SUSD1: variants seen among roughly 807,000 people sequenced by gnomAD.
SUSD1 encodes sushi domain-containing protein 1.
In SUSD1, 65 loss-of-function variants were observed where a neutral mutation model predicts 86.9. That is an observed-to-expected ratio of 0.75 (90% confidence interval 0.61 to 0.92). SUSD1 has a LOEUF of 0.92. Among genes scored for constraint, SUSD1 ranks in the 40% least tolerant of loss-of-function variants. The pLI is 0.00. For synonymous variants in SUSD1, 346 were observed against 350.0 expected (o/e 0.99, Z 0.13); for missense variants, 850 against 929.7 (o/e 0.91, Z 1.11).
intron 5 of SUSD1, 56 bp downstream of exon 5, chr9:112,142,264 A>G: frequency 7.2e-7 from 1 of 1,383,054 alleles, no homozygotes; most frequent in Non-Finnish European, 9.6e-7. Flanking sequence ...AGAGAAAAAT[A>G]TGAAAACAGT....
At position 112,170,542 on chromosome 9, in the gene SUSD1, C is replaced by T. The variant is rs751211579; in HGVS notation, c.103+4591G>A. Among the ~76,000 whole-genome samples, 21 of 152,048 alleles carry T rather than the reference C, an allele frequency of 1.4e-4. 1 individual carries two copies. The highest frequency in any genetic ancestry group is 7.3e-5 in the African/African-American group (3 of 41,372). ...CAACACCCTCCTGCCATATCAATTA[C>T]GCGAAACACACTTTCCTTACACTCA... On this transcript the variant is annotated intron_variant, in intron 1 of 16. Transcript: ENST00000374270.
chr9:112,138,108 C>T (rs1261925498), intron 5 of SUSD1, among the ~76,000 whole-genome samples: 4 of 148,622 alleles, frequency 2.7e-5, no homozygotes. Flanking sequence ...CCTGTAATCC[C>T]AGCTACGTGG....
chr9:112,112,985 G>A, intron 6 of SUSD1, 117 bp from the exon 7 acceptor site: 1 of 663,074 alleles, frequency 1.5e-6, no homozygotes, highest in Non-Finnish European at 2.7e-6. Flanking sequence ...TTCATCCTCA[G>A]AGGCAGACAC....
At chr9:112,128,334 T>A (rs1831868046) in intron 5 of SUSD1, among the ~76,000 whole-genome samples, 1 of 152,146 alleles carries the variant, frequency 6.6e-6, no homozygotes, top group Admixed American at 6.5e-5. Context: ...GCTCAAATGA[T>A]CTGCCTGTCT....
chr9:112,126,807 A>C (rs1420134546), intron 5 of SUSD1, among the ~76,000 whole-genome samples: 2 of 152,088 alleles, frequency 1.3e-5, no homozygotes, highest in Non-Finnish European at 2.9e-5. Flanking sequence ...CAAAGCTCCA[A>C]ATTTCATTTT....
intron 10 of SUSD1, among the ~76,000 whole-genome samples, chr9:112,083,666 T>G (rs1829860451): frequency 6.6e-6 from 1 of 152,234 alleles, no homozygotes; most frequent in African/African-American, 2.4e-5. Context: ...TTCCTAAAAT[T>G]TCTTCACGGT....
intron 15 of SUSD1, chr9:112,042,280 A>G (rs968386446): frequency 3.7e-5 from 31 of 834,274 alleles, no homozygotes; most frequent in Non-Finnish European, 3.9e-5. Context: ...GTCCTCTCAC[A>G]ATCAATTACA....
At chr9:112,170,879 T>A (rs1447705798) in intron 1 of SUSD1, among the ~76,000 whole-genome samples, 1 of 151,858 alleles carries the variant, frequency 6.6e-6, no homozygotes, top group Non-Finnish European at 1.5e-5. Flanking sequence ...CCGGCCAATT[T>A]TTTTTGTATT....
intron 8 of SUSD1, among the ~76,000 whole-genome samples, chr9:112,108,774 C>CAAAAAAAAAAAAAAAAAAAAAA: frequency 1.5e-5 from 1 of 68,608 alleles, no homozygotes; most frequent in East Asian, 3.4e-4. Context: ...CTGGGTGTCT[C>CAAAAAAAAAAAAAAAAAAAAAA]AAAAAAAAAA....
intron 10 of SUSD1, 79 bp downstream of exon 10, chr9:112,098,391 C>G: frequency 6.9e-7 from 1 of 1,453,200 alleles, no homozygotes; most frequent in Non-Finnish European, 9.4e-7. Context: ...CAAACTAGCA[C>G]TCTTATGCCC....
chr9:112,083,971 T>C (rs1049832794), intron 10 of SUSD1, among the ~76,000 whole-genome samples: 1 of 152,190 alleles, frequency 6.6e-6, no homozygotes, highest in African/African-American at 2.4e-5. Context: ...TAGTAGGCAA[T>C]TGATCTCAAG....
chr9:112,127,072 C>T lies in SUSD1; in HGVS notation c.707-2636G>A, dbSNP rs2131697368. ...TCAGTCATATTCTTTTCCCTACACC[C>T]ACAGCTTCTCGAAAGTTGGCCGGGC... is the stretch of plus-strand genomic sequence containing the variant. On this transcript the variant is annotated intron_variant, in intron 5 of 16. Coordinates refer to ENST00000374270, the MANE Select transcript of SUSD1 (RefSeq NM_022486.5). 2.0e-5 allele frequency among the ~76,000 whole-genome samples: 3 copies of T among 152,158 alleles called. No homozygotes were observed. In the South Asian group the frequency reaches 6.2e-4, roughly 32 times the overall value.
intron 1 of SUSD1, chr9:112,169,386 G>T (rs893230484): frequency 6.9e-5 from 10 of 145,944 alleles, no homozygotes; most frequent in African/African-American, 2.3e-4. Context: ...TACTGTACTT[G>T]ACTAGTCAAA....
At chr9:112,145,018 A>T (rs1009086772) in intron 3 of SUSD1, among the ~76,000 whole-genome samples, 1 of 152,068 alleles carries the variant, frequency 6.6e-6, no homozygotes. Context: ...AGGCAGGAGG[A>T]TTGCTTTAAG....
At chr9:112,057,186 C>A (rs1382189741) in intron 14 of SUSD1, among the ~76,000 whole-genome samples, 1 of 152,188 alleles carries the variant, frequency 6.6e-6, no homozygotes, top group African/African-American at 2.4e-5. Context: ...TGTCCACAAG[C>A]CAGGAAGAGA....
chr9:112,166,662 A>C (rs1457758008), intron 1 of SUSD1, among the ~76,000 whole-genome samples: 1 of 152,172 alleles, frequency 6.6e-6, no homozygotes, highest in Non-Finnish European at 1.5e-5. Flanking sequence ...AGGCCAGAGA[A>C]AGATCACTAG....
intron 16 of SUSD1, 27 bp downstream of exon 16, chr9:112,041,840 T>C: frequency 6.2e-7 from 1 of 1,605,020 alleles, no homozygotes; most frequent in African/African-American, 1.3e-5. Flanking sequence ...ATTCCAGTCA[T>C]TTCTCAAAAA....
At chr9:112,138,277 A>ATATATATATG (rs1832398080) in intron 5 of SUSD1, among the ~76,000 whole-genome samples, 1 of 133,154 alleles carries the variant, frequency 7.5e-6, no homozygotes, top group Non-Finnish European at 1.6e-5. Flanking sequence ...ATATATATAT[A>ATATATATATG]TATGAAGTCC....
In SUSD1 at chr9:112,058,417, A is replaced by G. The variant is rs1165415400; in HGVS notation, c.2109+11T>C. ...AATACAGAGTTCACAAGAGCTTGGA[A>G]AGAAAGATACCTTATTCCATTCACT... On this transcript the variant is annotated intron_variant, in intron 14 of 16. Transcript: ENST00000374270. The G allele has an allele frequency of 6.2e-7, 1 of 1,609,796 alleles. No homozygotes were observed. Among genetic ancestry groups the G allele is most frequent in the Non-Finnish European group, 8.5e-7 (1 of 1,177,386 alleles).
Sources: allele counts gnomAD v4.1 joint callset (sites outside exome capture counted in the v4.1 genomes callset), GRCh38; gene constraint gnomAD v4.1.1; transcripts MANE v1.5; gene names NCBI Gene and HGNC (gene_info 2026-07-23, HGNC 2026-07-21).